C3: variants seen among roughly 807,000 people sequenced by gnomAD.
C3 encodes the protein C3 and PZP-like alpha-2-macroglobulin domain-containing protein 1.
C3 carries 97 observed loss-of-function variants against 207.9 expected under a neutral mutation model. That is an observed-to-expected ratio of 0.47 (90% CI 0.40 to 0.55). C3 has a LOEUF of 0.55. Ranked by LOEUF, C3 falls within the 20% of genes least tolerant of loss-of-function variation. The pLI, the probability that C3 is intolerant of heterozygous loss-of-function variation, is 0.00. For synonymous variants in C3, 848 were observed against 857.6 expected, an observed-to-expected ratio of 0.99 and a Z score of 0.20; for missense variants, 1,684 against 2,171.7, an observed-to-expected ratio of 0.78 and a Z score of 4.46.
chr19:6,678,566 C>G, intron 38 of C3, 111 bp from the exon 39 acceptor site: 1 of 823,678 alleles, frequency 1.2e-6, no homozygotes. Context: ...CAGAAAGTTG[C>G]AGAATCACAG....
chr19:6,709,619 A>ACCCCCCCCCCCACCAC, intron 14 of C3, 65 bp downstream of exon 14: 1 of 432,324 alleles, frequency 2.3e-6, no homozygotes, highest in Non-Finnish European at 4.0e-6. Flanking sequence ...AGTCCCACCC[A>ACCCCCCCCCCCACCAC]CCTCCCCCAG....
chr19:6,709,622 T>TCCCCCCG, intron 14 of C3, 62 bp downstream of exon 14: 1 of 433,690 alleles, frequency 2.3e-6, no homozygotes. Context: ...CCCACCCACC[T>TCCCCCCG]CCCCCAGCCC....
chr19:6,686,131 G>C lies in C3; in HGVS notation c.3803C>G (p.Ser1268Cys), dbSNP rs1375151718. 6.2e-7 allele frequency: 1 copy of C among 1,614,066 alleles called. No homozygotes were observed. The highest frequency in any genetic ancestry group is 1.1e-5 in the South Asian group (1 of 91,062). ...EQRYYGGGYGSTQATFMVFQA... is the reference protein window; with the variant it reads ...EQRYYGGGYGCTQATFMVFQA... ...GGCTGTGGGCCCACTTGCCTGGGTAGAGCCATAGCCACCACCGTAGTATCT... is the reference window on the plus strand; with the variant it reads ...GGCTGTGGGCCCACTTGCCTGGGTACAGCCATAGCCACCACCGTAGTATCT... The change falls in exon 29 of 41, where the codon TCT becomes TGT. Residue 1268 changes from serine to cysteine, a missense_variant. Ser to Cys is a moderately radical substitution (Grantham distance 112, BLOSUM62 -1). Around this residue, in one of 3 missense-constraint regions of C3, gnomAD observed 1,280 missense variants for 1,739.1 expected, o/e 0.74. Transcript: ENST00000245907.
At chr19:6,686,685 G>T in intron 28 of C3, 61 bp downstream of exon 28, 2 of 1,553,654 alleles carry the variant, frequency 1.3e-6, no homozygotes, top group Non-Finnish European at 1.8e-6. Flanking sequence ...TCCCAGCTCA[G>T]TATCTCCCGC....
In C3 at chr19:6,714,054, C is replaced by T. The variant is rs759677227; in HGVS notation, c.711G>A (p.Glu237=). Reference sequence around the variant, plus strand: ...AGATGTAGTAGAATTTCTCTGTAGGCTCCACTATGACCTCGAAACTGGGCA... The same window carrying T: ...AGATGTAGTAGAATTTCTCTGTAGGTTCCACTATGACCTCGAAACTGGGCA... ...YVLPSFEVIV[E]PTEKFYYIYN... The change falls in exon 7 of 41, where the codon GAG becomes GAA. Residue 237 remains glutamate (E), a synonymous_variant. Transcript: ENST00000245907. 15 of 1,612,356 alleles carry T rather than the reference C, an allele frequency of 9.3e-6. No individual in the cohort carries two copies. In the South Asian group the frequency reaches 1.2e-4, roughly 13 times the overall value.
At position 6,696,378 on chromosome 19, in the gene C3, C is replaced by T. The variant is rs780405372; in HGVS notation, c.2950+1G>A. 6.2e-7 allele frequency: 1 copy of T among 1,607,648 alleles called. No homozygotes were observed. Among genetic ancestry groups the T allele is most frequent in the Non-Finnish European group, 8.5e-7 (1 of 1,175,934 alleles). The stretch of plus-strand genomic sequence containing the variant: ...TGGGGTCGGGGTCAAGGGTGTCTCA[C>T]CTTGCAGGAGAATTCTGGTCTCAGA... On this transcript the variant is annotated splice_donor_variant, in intron 23 of 40. Coordinates refer to ENST00000245907, the MANE Select transcript of C3 (RefSeq NM_000064.4). LOFTEE classifies it high-confidence loss of function.
rs1443070872 is a variant in C3, at chr19:6,693,421, G to A, written c.3221C>T (p.Pro1074Leu). ...GGCTGTTGGGACTCACCAGGTGCTG[G>A]GTGCCCGTTTCACGAAGGCCGCAAA... Reference protein sequence around the residue: ...SAFAAFVKRAPSTWLTAYVVK... With the variant: ...SAFAAFVKRALSTWLTAYVVK... The change falls in exon 25 of 41, where the codon CCC becomes CTC. Residue 1074 changes from proline to leucine, a missense_variant. This residue lies in a region of C3 where 1,280 missense variants were observed against 1,739.1 expected (regional missense o/e 0.74). Coordinates refer to ENST00000245907, the MANE Select transcript of C3 (RefSeq NM_000064.4). The A allele has an allele frequency of 6.2e-7, 1 of 1,610,564 alleles. No homozygotes were observed. The highest frequency in any genetic ancestry group is 8.5e-7 in the Non-Finnish European group (1 of 1,178,952).
At position 6,709,070 on chromosome 19, in the gene C3, C is replaced by T. The variant is rs532880586; in HGVS notation, c.1845+614G>A. ...TCCTGATCCCAAGCCAACCCCATCT[C>T]CATCTTCGTCCCTACTCCGGAAACC... On this transcript the variant is annotated intron_variant, in intron 14 of 40. Transcript: ENST00000245907. 1.3e-4 allele frequency among the ~76,000 whole-genome samples: 20 copies of T among 152,326 alleles called. No individual in the cohort carries two copies. In the East Asian group the frequency reaches 3.7e-3, roughly 28 times the overall value.
chr19:6,691,068 T>G (rs1159539279), intron 26 of C3, among the ~76,000 whole-genome samples: 1 of 151,404 alleles, frequency 6.6e-6, no homozygotes, highest in Admixed American at 6.6e-5. Flanking sequence ...TTTTTTTTTT[T>G]TTTTGGGACA....
intron 14 of C3, among the ~76,000 whole-genome samples, chr19:6,708,707 G>A (rs1599520540): frequency 2.7e-5 from 2 of 73,184 alleles, no homozygotes; most frequent in South Asian, 8.7e-4. Context: ...TTTTTTTTAA[G>A]TTGGGATTTT....
At chr19:6,710,013 G>GAA (rs1967870423) in intron 13 of C3, among the ~76,000 whole-genome samples, 171 bp from the exon 14 acceptor site, 1 of 149,708 alleles carries the variant, frequency 6.7e-6, no homozygotes. Context: ...GAGGGAGAGA[G>GAA]AGGGAGAGAG....
At chr19:6,696,327 C>T in intron 23 of C3, 52 bp downstream of exon 23, 1 of 1,229,186 alleles carries the variant, frequency 8.1e-7, no homozygotes. Flanking sequence ...TGGAATTTGG[C>T]TCCATCCATG....
Position 6,697,716 on chromosome 19 carries a change from A to G in C3, c.2519T>C (p.Val840Ala). The change falls in exon 20 of 41, where the codon GTT (valine) becomes GCT (alanine). Residue 840 changes from valine to alanine, a missense_variant. By Grantham distance (64) the Val-to-Ala change is moderately conservative. Coordinates refer to ENST00000245907, the MANE Select transcript of C3 (RefSeq NM_000064.4). Reference sequence around the variant, plus strand: ...TCGGATTTCCACCTGCTCGTTTCGAACAACAGAGTAGGGTAGCCGCAGGTC... The same window carrying G: ...TCGGATTTCCACCTGCTCGTTTCGAGCAACAGAGTAGGGTAGCCGCAGGTC... ...FIDLRLPYSV[V>A]RNEQVEIRAV... The G allele has an allele frequency of 6.2e-7, 1 of 1,614,048 alleles. No homozygotes were observed. The highest frequency in any genetic ancestry group is 1.7e-5 in the Admixed American group (1 of 60,002).
At position 6,694,591 on chromosome 19, in the gene C3, T is replaced by C. The variant is rs776638218; in HGVS notation, c.2994A>G (p.Glu998=). 24 of 1,613,630 alleles carry C rather than the reference T, an allele frequency of 1.5e-5. No homozygotes were observed. The highest frequency in any genetic ancestry group is 1.9e-5 in the Non-Finnish European group (22 of 1,179,932). ...GGGTCACAATGAGGTGCTTCAGCCG[T>C]TCCGCGTCGACGGCATCCTCTGTCA... is the stretch of plus-strand genomic sequence containing the variant. ...AQMTEDAVDA[E]RLKHLIVTPS... Residue 998 remains glutamate (E), a synonymous_variant, in exon 24 of 41, where the codon GAA becomes GAG. Transcript: ENST00000245907.
Position 6,718,008 on chromosome 19 carries a change from G to A in C3, c.504+86C>T, listed in dbSNP as rs1240352345. 16 of 1,316,346 alleles carry A rather than the reference G, an allele frequency of 1.2e-5. No individual in the cohort carries two copies. The Admixed American group carries it at 2.2e-4, about 18-fold the overall frequency. 81.5% of individuals were successfully genotyped at this position (1,316,346 alleles called of 1,614,324 possible). A position where few individuals can be genotyped will look rare whatever the true frequency, so the allele number is the denominator to read the frequency against. On this transcript the variant is annotated intron_variant, in intron 4 of 40. Transcript: ENST00000245907. Reference sequence around the variant, plus strand: ...GTGTCTCTGCCACTGCACCCCTTCCGGTGTGTCTTTCTCTGTCTCTCTCGA... The same window carrying A: ...GTGTCTCTGCCACTGCACCCCTTCCAGTGTGTCTTTCTCTGTCTCTCTCGA...
chr19:6,692,839 A>G, intron 26 of C3, 85 bp downstream of exon 26: 5 of 1,510,396 alleles, frequency 3.3e-6, no homozygotes, highest in Non-Finnish European at 4.6e-6. Context: ...CAGTGGGCAC[A>G]TGGAGGTGGG....
In C3 at chr19:6,708,022, C is replaced by T. The variant is rs1252964359; in HGVS notation, c.1846-93G>A. ...CACCTGTGTATCTCTTCCCAAATGA[C>T]CCCACCCTGTCCCACTCTCATCTCC... is the stretch of plus-strand genomic sequence containing the variant. On this transcript the variant is annotated intron_variant, in intron 14 of 40. Transcript: ENST00000245907. 2.0e-6 allele frequency: 3 copies of T among 1,485,844 alleles called. No homozygotes were observed. The African/African-American group carries it at 4.1e-5, about 20-fold the overall frequency. 92.0% of individuals were successfully genotyped at this position (1,485,844 alleles called of 1,614,324 possible).
At position 6,713,429 on chromosome 19, in the gene C3, G is replaced by A; in HGVS notation, c.854C>T (p.Pro285Leu). Residue 285 changes from proline to leucine, a missense_variant, in exon 8 of 41, where the codon CCT becomes CTT. This residue lies in a region of C3 where 1,280 missense variants were observed against 1,739.1 expected (regional missense o/e 0.74). Coordinates refer to ENST00000245907, the MANE Select transcript of C3 (RefSeq NM_000064.4). ...TACCGGAATGCGCTTGAGGGATTCA[G>A]GCAGGGAAATCCTCTGTTCGCCATC... ...IQDGEQRISL[P>L]ESLKRIPIED... 1.9e-6 allele frequency: 3 copies of A among 1,613,880 alleles called. No homozygotes were observed. Among genetic ancestry groups the A allele is most frequent in the Non-Finnish European group, 2.5e-6 (3 of 1,179,884 alleles).
rs1379693938 is a variant in C3, at chr19:6,700,613, GTAATATA to G, written c.2440+1507_2440+1513del. Among the ~76,000 whole-genome samples, 3 of 45,666 alleles carry G rather than the reference GTAATATA, an allele frequency of 6.6e-5. 1 individual carries two copies. The highest frequency in any genetic ancestry group is 1.0e-4 in the Non-Finnish European group (3 of 29,556). 30.0% of individuals were successfully genotyped at this position (45,666 alleles called of 152,430 possible). A position where few individuals can be genotyped will look rare whatever the true frequency, so the allele number is the denominator to read the frequency against. On this transcript the variant is annotated intron_variant, in intron 19 of 40. Coordinates refer to ENST00000245907, the MANE Select transcript of C3 (RefSeq NM_000064.4). ...ATATAATATATGATATATTATATAT[GTAATATA>G]TAATATATGATATATTATATATGTA...
Sources: gnomAD v4.1 joint callset for allele counts (sites outside exome capture counted in the v4.1 genomes callset) on GRCh38, gnomAD v4.1.1 for gene constraint, gnomAD v4.1.1 regional missense constraint, MANE v1.5 for transcripts, NCBI Gene and HGNC (gene_info 2026-07-23, HGNC 2026-07-21) for gene names.